The following ALCAM variants were observed in gnomAD, a reference collection of about 807,000 sequenced individuals.
ALCAM encodes activated leukocyte cell adhesion molecule, also known as CD166 antigen.
Under a neutral mutation model 70.9 loss-of-function variants are expected in ALCAM, and 30 were observed. The ratio of observed to expected loss-of-function variants is 0.42; its 90% CI spans 0.32 to 0.57. The LOEUF (loss-of-function observed/expected upper bound fraction) is 0.57, where lower values mean the gene tolerates loss of function less well. Among genes scored for constraint, ALCAM ranks in the 20% least tolerant of loss-of-function variants. ALCAM has a pLI of 0.11. For missense variants in ALCAM, 591 were observed against 695.1 expected (o/e 0.85, Z 1.68); for synonymous variants, 249 against 242.5 (o/e 1.03, Z -0.25).
intron 15 of ALCAM, 84 bp downstream of exon 15, chr3:105,572,048 T>A (rs969153170): frequency 2.7e-6 from 2 of 734,812 alleles, no homozygotes; most frequent in Non-Finnish European, 4.3e-6. Flanking sequence ...TATGTTAAGA[T>A]GCTCCATAAT....
intron 1 of ALCAM, among the ~76,000 whole-genome samples, chr3:105,445,825 AT>A (rs1311138236): frequency 6.6e-6 from 1 of 152,226 alleles, no homozygotes; most frequent in Non-Finnish European, 1.5e-5. Flanking sequence ...TACAAAATCA[AT>A]TCAAAATTGA....
intron 1 of ALCAM, among the ~76,000 whole-genome samples, chr3:105,484,690 C>T (rs76353843): frequency 1.3e-3 from 192 of 152,068 alleles, no homozygotes; most frequent in Middle Eastern, 3.4e-3. Context: ...TCAAAGGAGA[C>T]GACAGAAGAG....
intron 1 of ALCAM, among the ~76,000 whole-genome samples, chr3:105,510,628 CATCTGAG>C (rs1364641800): frequency 7.9e-5 from 12 of 151,982 alleles, no homozygotes; most frequent in African/African-American, 2.4e-4. Context: ...TGTGGGAAAC[CATCTGAG>C]AGCAGGCACA....
chr3:105,407,091 G>A (rs1936255183), intron 1 of ALCAM, among the ~76,000 whole-genome samples: 1 of 152,002 alleles, frequency 6.6e-6, no homozygotes, highest in African/African-American at 2.4e-5. Context: ...AAAAAGTCCA[G>A]GACCAGATGG....
At chr3:105,572,001 CTAG>C in intron 15 of ALCAM, 37 bp downstream of exon 15, 1 of 1,208,158 alleles carries the variant, frequency 8.3e-7, no homozygotes, top group Admixed American at 2.1e-5. Context: ...AAATAATTCC[CTAG>C]CAAGTAGGAA....
At chr3:105,532,117 C>A in intron 4 of ALCAM, 51 bp downstream of exon 4, 2 of 1,438,492 alleles carry the variant, frequency 1.4e-6, no homozygotes, top group South Asian at 1.2e-5. Flanking sequence ...TTGTAAGTGC[C>A]TTCTTCTGAC....
Position 105,483,122 on chromosome 3 carries a change from T to C in ALCAM, c.74-36945T>C, listed in dbSNP as rs180819689. ...CTTTGACTTCCAACTTGGGGAAATT[T>C]ACCTCTCATATATGCCTACTGCTGG... On this transcript the variant is annotated intron_variant, in intron 1 of 15. Coordinates refer to ENST00000306107, the MANE Select transcript of ALCAM (RefSeq NM_001627.4). Among the ~76,000 whole-genome samples, 20 of 152,312 alleles carry C rather than the reference T, an allele frequency of 1.3e-4. No individual in the cohort carries two copies. The East Asian group carries it at 3.7e-3, about 28-fold the overall frequency.
chr3:105,452,855 G>A (rs1002594261), intron 1 of ALCAM, among the ~76,000 whole-genome samples: 1 of 152,108 alleles, frequency 6.6e-6, no homozygotes, highest in Non-Finnish European at 1.5e-5. Flanking sequence ...ATGTTTGTTG[G>A]CTGCATAAAT....
intron 1 of ALCAM, among the ~76,000 whole-genome samples, chr3:105,474,004 C>A (rs1447855079): frequency 2.0e-5 from 3 of 151,524 alleles, no homozygotes; most frequent in Admixed American, 1.3e-4. Context: ...TAATTACCAA[C>A]TCCATCATTA....
intron 14 of ALCAM, among the ~76,000 whole-genome samples, chr3:105,557,136 T>G (rs1020248797): frequency 1.3e-5 from 2 of 152,066 alleles, no homozygotes; most frequent in Non-Finnish European, 2.9e-5. Context: ...ATTTAATTGG[T>G]ACTATGGAGG....
At chr3:105,380,608 A>T (rs1401026142) in intron 1 of ALCAM, among the ~76,000 whole-genome samples, 1 of 151,942 alleles carries the variant, frequency 6.6e-6, no homozygotes, top group Non-Finnish European at 1.5e-5. Context: ...AAGTCTAATT[A>T]AGGAAAAAAA....
intron 1 of ALCAM, among the ~76,000 whole-genome samples, chr3:105,500,796 A>C (rs896973578): frequency 1.3e-5 from 2 of 152,192 alleles, no homozygotes; most frequent in African/African-American, 4.8e-5. Context: ...TATCATTTCA[A>C]ATGTACATCT....
intron 1 of ALCAM, among the ~76,000 whole-genome samples, chr3:105,425,620 C>T (rs1297864477): frequency 1.3e-5 from 2 of 151,808 alleles, no homozygotes; most frequent in African/African-American, 2.4e-5. Flanking sequence ...TAATTAGCTT[C>T]TGATTAACTG....
chr3:105,496,551 A>G (rs1001596907), intron 1 of ALCAM, among the ~76,000 whole-genome samples: 11 of 152,166 alleles, frequency 7.2e-5, no homozygotes, highest in Non-Finnish European at 1.6e-4. Flanking sequence ...CCTATTTTGT[A>G]TCTCCCTCAT....
intron 14 of ALCAM, among the ~76,000 whole-genome samples, chr3:105,562,639 G>A (rs190108082): frequency 3.2e-4 from 49 of 152,168 alleles, no homozygotes; most frequent in Admixed American, 1.1e-3. Flanking sequence ...CTAGAATAAT[G>A]TGGATCTTAT....
intron 1 of ALCAM, among the ~76,000 whole-genome samples, chr3:105,463,821 A>T (rs1195247160): frequency 6.6e-6 from 1 of 151,442 alleles, no homozygotes; most frequent in African/African-American, 2.4e-5. Flanking sequence ...GTTTTGTTAC[A>T]GTAGTATTTT....
At chr3:105,521,571 T>A (rs1314574034) in intron 2 of ALCAM, among the ~76,000 whole-genome samples, 2 of 152,190 alleles carry the variant, frequency 1.3e-5, no homozygotes, top group Admixed American at 6.5e-5. Flanking sequence ...TTCCACAATG[T>A]GCTCACTGTG....
At chr3:105,469,493 CA>C (rs1383836104) in intron 1 of ALCAM, among the ~76,000 whole-genome samples, 8 of 150,828 alleles carry the variant, frequency 5.3e-5, no homozygotes, top group Non-Finnish European at 8.9e-5. Flanking sequence ...GGAGACAGAC[CA>C]AAAGTAAACA....
At chr3:105,401,620 T>C (rs1294432338) in intron 1 of ALCAM, among the ~76,000 whole-genome samples, 1 of 152,202 alleles carries the variant, frequency 6.6e-6, no homozygotes, top group Non-Finnish European at 1.5e-5. Flanking sequence ...GTAGAACTTG[T>C]AGTATGTCTA....
Sources: allele counts gnomAD v4.1 joint callset (sites outside exome capture counted in the v4.1 genomes callset), GRCh38; gene constraint gnomAD v4.1.1; transcripts MANE v1.5; gene names NCBI Gene and HGNC (gene_info 2026-07-23, HGNC 2026-07-21).